CTCF: variants seen among roughly 807,000 people sequenced by gnomAD.
The protein encoded by CTCF is CCCTC-binding factor.
Under a neutral mutation model 72.3 loss-of-function variants are expected in CTCF, and 7 were observed. That is an observed-to-expected ratio of 0.10 (90% CI 0.06 to 0.18). The LOEUF (loss-of-function observed/expected upper bound fraction) is 0.18. CTCF is among the 10% of genes least tolerant of loss of function. The pLI is 1.00. For missense variants in CTCF, 516 were observed against 949.1 expected, an observed-to-expected ratio of 0.54 and a Z score of 6.00; for synonymous variants, 374 against 315.8, an observed-to-expected ratio of 1.18 and a Z score of -1.95.
chr16:67,570,226 G>A (rs1054024665), intron 1 of CTCF, among the ~76,000 whole-genome samples: 2 of 151,380 alleles, frequency 1.3e-5, no homozygotes, highest in Admixed American at 1.3e-4. Flanking sequence ...ACAGGCACCC[G>A]CCACCACACC....
Position 67,611,844 on chromosome 16 carries a change from G to T in CTCF, c.782-107G>T, listed in dbSNP as rs145879110. On this transcript the variant is annotated intron_variant, in intron 3 of 11. Transcript: ENST00000264010. ...ATGAGATAATTATGACTTATATTGG[G>T]TTTTGTTATTAAAAGCTAATCAAAT... is the stretch of plus-strand genomic sequence containing the variant. 3.2e-4 allele frequency: 347 copies of T among 1,080,886 alleles called. 1 individual carries two copies. In the African/African-American group the frequency reaches 3.4e-3, roughly 11 times the overall value. The allele number at this position is 1,080,886 out of a possible 1,614,324, so 67.0% of individuals were successfully genotyped here.
chr16:67,563,115 G>A (rs1028182864), intron 1 of CTCF, among the ~76,000 whole-genome samples: 1 of 151,940 alleles, frequency 6.6e-6, no homozygotes, highest in African/African-American at 2.4e-5. Context: ...CCCTCCCGCG[G>A]CGGGTGGCCC....
chr16:67,612,266 A>C, intron 4 of CTCF, 145 bp downstream of exon 4: 1 of 688,988 alleles, frequency 1.5e-6, no homozygotes, highest in Non-Finnish European at 2.3e-6. Flanking sequence ...ATTTTATTGT[A>C]AGCACTTGGA....
chr16:67,631,756 G>A (rs968197325), intron 10 of CTCF, among the ~76,000 whole-genome samples: 6 of 129,762 alleles, frequency 4.6e-5, no homozygotes. Context: ...GTCACTGGGT[G>A]TTAAGTGTAT....
chr16:67,626,625 T>C lies in CTCF; in HGVS notation c.1428T>C (p.Phe476=). 6.3e-7 allele frequency: 1 copy of C among 1,579,570 alleles called. No individual in the cohort carries two copies. Among genetic ancestry groups the C allele is most frequent in the Non-Finnish European group, 8.6e-7 (1 of 1,162,332 alleles). Residue 476 remains phenylalanine, a synonymous_variant, in exon 8 of 12, where the codon TTT becomes TTC. Transcript: ENST00000264010. ...GKKCRYCDAV[F]HERYALIQHQ... ...AATGCCGTTACTGTGATGCTGTGTT[T>C]CATGAGCGCTATGCCCTCATCCAGC...
intron 1 of CTCF, among the ~76,000 whole-genome samples, chr16:67,564,640 T>C (rs566558434): frequency 6.6e-6 from 1 of 152,334 alleles, no homozygotes; most frequent in Admixed American, 6.5e-5. Flanking sequence ...TTTGTGACTT[T>C]GTTTTCCTTT....
chr16:67,608,550 T>A (rs2052009999), intron 2 of CTCF, among the ~76,000 whole-genome samples: 1 of 151,998 alleles, frequency 6.6e-6, no homozygotes, highest in Admixed American at 6.6e-5. Flanking sequence ...AAATGGGGAA[T>A]TGCTGTTGAG....
At chr16:67,563,098 C>T (rs1009257970) in intron 1 of CTCF, among the ~76,000 whole-genome samples, 28 of 152,112 alleles carry the variant, frequency 1.8e-4, no homozygotes, top group Admixed American at 9.2e-4. Flanking sequence ...TGTCCTGTGT[C>T]CTCCGCCCCT....
chr16:67,572,954 C>CCCG (rs980607184), intron 2 of CTCF, among the ~76,000 whole-genome samples: 2 of 134,696 alleles, frequency 1.5e-5, no homozygotes, highest in African/African-American at 5.7e-5. Context: ...CCCGCCCCCC[C>CCCG]CCCCAAAACA....
At chr16:67,604,577 A>G (rs560115380) in intron 2 of CTCF, among the ~76,000 whole-genome samples, 6 of 152,192 alleles carry the variant, frequency 3.9e-5, no homozygotes, top group Admixed American at 6.6e-5. Context: ...TCCTGACCTC[A>G]TGATCCACCT....
chr16:67,602,299 C>T (rs1023681166), intron 2 of CTCF, among the ~76,000 whole-genome samples: 21 of 152,132 alleles, frequency 1.4e-4, no homozygotes, highest in Non-Finnish European at 2.2e-4. Flanking sequence ...GATTGTTTTT[C>T]CTCTACCAAT....
intron 3 of CTCF, 34 bp from the exon 4 acceptor site, chr16:67,611,917 T>A (rs1442043761): frequency 6.3e-7 from 1 of 1,594,476 alleles, no homozygotes; most frequent in Non-Finnish European, 8.6e-7. Context: ...ACTTTGAAAC[T>A]CTGCAGCAAG....
intron 2 of CTCF, among the ~76,000 whole-genome samples, chr16:67,607,779 G>A (rs1230339710): frequency 6.6e-6 from 1 of 151,762 alleles, no homozygotes; most frequent in African/African-American, 2.4e-5. Context: ...CAGCACTTTG[G>A]GAGGCCGAGG....
chr16:67,583,687 A>C (rs1212933477), intron 2 of CTCF, among the ~76,000 whole-genome samples: 1 of 136,826 alleles, frequency 7.3e-6, no homozygotes, highest in East Asian at 2.0e-4. Flanking sequence ...TTTTGGTCTC[A>C]AAAAAAAAAA....
At chr16:67,572,146 C>T (rs921642341) in intron 2 of CTCF, among the ~76,000 whole-genome samples, 11 of 152,164 alleles carry the variant, frequency 7.2e-5, no homozygotes, top group Admixed American at 6.6e-4. Context: ...ACAAGCTCTG[C>T]CTGGAGCAAA....
Position 67,616,778 on chromosome 16 carries a change from T to C in CTCF, c.986T>C (p.Met329Thr). 1 of 1,614,214 alleles carries C rather than the reference T, an allele frequency of 6.2e-7. No homozygotes were observed. The highest frequency in any genetic ancestry group is 1.1e-5 in the South Asian group (1 of 91,082). The part of the protein sequence containing the change: ...TRPHKCPDCD[M>T]AFVTSGELVR... ...CCTCACAAGTGCCCAGACTGCGACA[T>C]GGCCTTTGTGACCAGTGGAGAATTG... Residue 329 changes from methionine (M) to threonine (T), a missense_variant, in exon 5 of 12, where the codon ATG becomes ACG. By Grantham distance (81) the Met-to-Thr change is moderately conservative (BLOSUM62 -1). Transcript: ENST00000264010.
In CTCF at chr16:67,636,679, T is replaced by A; in HGVS notation, c.1838-11T>A. ...TGCCCCACCACCTGTGCTTCCTGAT[T>A]TCATGAAAAGAAAATGCTGAACCAG... On this transcript the variant is annotated splice_polypyrimidine_tract_variant and intron_variant, in intron 10 of 11. Coordinates refer to ENST00000264010, the MANE Select transcript of CTCF (RefSeq NM_006565.4). 6.3e-7 allele frequency: 1 copy of A among 1,581,502 alleles called. No individual in the cohort carries two copies. The highest frequency in any genetic ancestry group is 8.6e-7 in the Non-Finnish European group (1 of 1,162,266).
At chr16:67,569,700 TA>T (rs2051387164) in intron 1 of CTCF, among the ~76,000 whole-genome samples, 1 of 151,752 alleles carries the variant, frequency 6.6e-6, no homozygotes, top group Non-Finnish European at 1.5e-5. Flanking sequence ...TTTTTTTTTT[TA>T]ATGAGACGGA....
chr16:67,636,086 T>C (rs1044962401), intron 10 of CTCF, among the ~76,000 whole-genome samples: 16 of 151,712 alleles, frequency 1.1e-4, no homozygotes, highest in African/African-American at 3.9e-4. Context: ...ACAAAGATTA[T>C]CTGGATTGGC....
Sources: allele counts gnomAD v4.1 joint callset (sites outside exome capture counted in the v4.1 genomes callset), GRCh38; gene constraint gnomAD v4.1.1; transcripts MANE v1.5; gene names NCBI Gene and HGNC (gene_info 2026-07-23, HGNC 2026-07-21).